The following PIGK variants were observed in gnomAD, a reference collection of about 807,000 sequenced individuals.
PIGK encodes the protein phosphatidylinositol glycan anchor biosynthesis class K.
A neutral mutation model predicts 50.6 loss-of-function variants in PIGK; 42 were observed. The observed-to-expected ratio is 0.83, with a 90% CI of 0.65 to 1.07. The LOEUF is 1.07. Among genes scored for constraint, PIGK ranks in the 50% least tolerant of loss-of-function variants. PIGK has a pLI of 0.00. For missense variants in PIGK, 448 were observed against 488.7 expected, an observed-to-expected ratio of 0.92 and a Z score of 0.78; for synonymous variants, 151 against 156.0, an observed-to-expected ratio of 0.97 and a Z score of 0.24.
rs771836178 is a variant in PIGK at position 77,169,373 on chromosome 1, C to T, written c.262G>A (p.Asp88Asn). 5 of 1,604,138 alleles carry T rather than the reference C, an allele frequency of 3.1e-6. No individual in the cohort carries two copies. The South Asian group carries it at 5.6e-5, about 18-fold the overall frequency. ...PDSHIVLMLA[D>N]DMACNPRNPK... The stretch of plus-strand genomic sequence containing the variant: ...TTTCTAGGATTACAGGCCATATCAT[C>T]TGCAAGCATTAGGACAATGTGACTA... The change falls in exon 4 of 11, where the codon GAT becomes AAT. Residue 88 changes from aspartate to asparagine, a missense_variant. Asp to Asn is a conservative substitution (Grantham distance 23). Coordinates refer to ENST00000370812, the MANE Select transcript of PIGK (RefSeq NM_005482.3).
intron 3 of PIGK, among the ~76,000 whole-genome samples, chr1:77,171,003 T>C (rs1321862349): frequency 2.0e-5 from 3 of 152,234 alleles, no homozygotes; most frequent in Admixed American, 6.5e-5. Context: ...TTTCACAGAA[T>C]AGTGAGTCAT....
chr1:77,136,543 A>AC (rs1654522994), intron 9 of PIGK, among the ~76,000 whole-genome samples: 3 of 150,652 alleles, frequency 2.0e-5, no homozygotes, highest in Admixed American at 1.3e-4. Flanking sequence ...TCTCAAAAAA[A>AC]AAAAAAAAAA....
intron 3 of PIGK, among the ~76,000 whole-genome samples, chr1:77,177,615 C>G (rs1332800479): frequency 6.6e-6 from 1 of 152,210 alleles, no homozygotes; most frequent in African/African-American, 2.4e-5. Context: ...GTTCGAGGCT[C>G]TCAGCTCTGA....
rs140744833 is a variant in PIGK at position 77,171,664 on chromosome 1, T to C, written c.240-2269A>G. ...TACTATGACCTGTTAACATAATCAA[T>C]ATATTATAAAACACTGTACTTGGAA... On this transcript the variant is annotated intron_variant, in intron 3 of 10. Transcript: ENST00000370812. 1.1e-3 allele frequency among the ~76,000 whole-genome samples: 169 copies of C among 152,130 alleles called. No homozygotes were observed. The East Asian group carries it at 0.029, about 26-fold the overall frequency.
At chr1:77,151,713 A>G (rs1654896533) in intron 9 of PIGK, among the ~76,000 whole-genome samples, 1 of 152,152 alleles carries the variant, frequency 6.6e-6, no homozygotes, top group Non-Finnish European at 1.5e-5. Context: ...ATCAATCTGA[A>G]AAAGGCATCA....
rs1454248649 is a variant in PIGK at position 77,129,496 on chromosome 1, G to A, written c.987-7137C>T. 21 of 1,459,734 alleles carry A rather than the reference G, an allele frequency of 1.4e-5. No homozygotes were observed. In the East Asian group the frequency reaches 4.1e-4, roughly 28 times the overall value. 90.4% of individuals were successfully genotyped at this position (1,459,734 alleles called of 1,614,324 possible). A position where few individuals can be genotyped will look rare whatever the true frequency, so the allele number is the denominator to read the frequency against. On this transcript the variant is annotated intron_variant, in intron 9 of 10. Coordinates refer to ENST00000370812, the MANE Select transcript of PIGK (RefSeq NM_005482.3). ...AACAAAGCACCTAAGATGCGCCGCC[G>A]GACCTACAGAGCTCATGGTCGGATT...
chr1:77,195,118 A>C, intron 3 of PIGK: 1 of 1,202,792 alleles, frequency 8.3e-7, no homozygotes, highest in Admixed American at 1.7e-5. Flanking sequence ...ATTACACAGG[A>C]AGGAGGGTGA....
intron 10 of PIGK, among the ~76,000 whole-genome samples, chr1:77,105,145 TG>T (rs1249716319): frequency 6.6e-6 from 1 of 151,984 alleles, no homozygotes; most frequent in Non-Finnish European, 1.5e-5. Flanking sequence ...ACAAGGGAGC[TG>T]GAGAGGGGAC....
At chr1:77,156,043 C>G (rs1312174789) in intron 8 of PIGK, among the ~76,000 whole-genome samples, 1 of 150,722 alleles carries the variant, frequency 6.6e-6, no homozygotes, top group Non-Finnish European at 1.5e-5. Context: ...GAAAGCAGTA[C>G]AAGGAAACAC....
At chr1:77,198,727 C>T (rs1411396230) in intron 3 of PIGK, among the ~76,000 whole-genome samples, 2 of 151,918 alleles carry the variant, frequency 1.3e-5, no homozygotes, top group African/African-American at 4.8e-5. Flanking sequence ...AACTTGAATG[C>T]TATTAAACCC....
At chr1:77,130,187 G>C (rs1284909809) in intron 9 of PIGK, among the ~76,000 whole-genome samples, 3 of 98,868 alleles carry the variant, frequency 3.0e-5, no homozygotes, top group African/African-American at 1.6e-4. Context: ...TGTTTGCATT[G>C]TCTTTTTTTT....
intron 10 of PIGK, among the ~76,000 whole-genome samples, chr1:77,104,691 G>A (rs956718416): frequency 1.3e-5 from 2 of 152,094 alleles, no homozygotes; most frequent in African/African-American, 2.4e-5. Flanking sequence ...CAACAAACTC[G>A]CAACACAGGC....
chr1:77,185,683 G>C (rs553309011), intron 3 of PIGK, among the ~76,000 whole-genome samples: 9 of 152,300 alleles, frequency 5.9e-5, no homozygotes, highest in African/African-American at 2.2e-4. Flanking sequence ...ACAGGAGAAG[G>C]CTCTGCAACA....
intron 3 of PIGK, among the ~76,000 whole-genome samples, chr1:77,181,874 G>A (rs1315713425): frequency 6.6e-6 from 1 of 152,128 alleles, no homozygotes; most frequent in Non-Finnish European, 1.5e-5. Context: ...CCCATGTCTT[G>A]AGGAATCTTC....
At chr1:77,187,407 G>A (rs1288627309) in intron 3 of PIGK, among the ~76,000 whole-genome samples, 3 of 152,148 alleles carry the variant, frequency 2.0e-5, no homozygotes, top group East Asian at 3.8e-4. Flanking sequence ...GCAACATTAC[G>A]CTCTTCTGGC....
chr1:77,128,905 TTA>T (rs919798227), intron 9 of PIGK, among the ~76,000 whole-genome samples: 1 of 152,214 alleles, frequency 6.6e-6, no homozygotes, highest in African/African-American at 2.4e-5. Context: ...AGAATGGCTT[TTA>T]TGTTTTTGAA....
At chr1:77,178,595 G>T (rs940130699) in intron 3 of PIGK, among the ~76,000 whole-genome samples, 29 of 152,052 alleles carry the variant, frequency 1.9e-4, no homozygotes, top group African/African-American at 6.8e-4. Flanking sequence ...AGTTAAGTGA[G>T]TAGACTCTTT....
chr1:77,111,423 A>G (rs1373253250), intron 10 of PIGK, among the ~76,000 whole-genome samples: 1 of 152,204 alleles, frequency 6.6e-6, no homozygotes. Flanking sequence ...AATACTATGC[A>G]GCCATAAAAA....
intron 3 of PIGK, among the ~76,000 whole-genome samples, chr1:77,196,772 G>A (rs889392577): frequency 2.6e-5 from 4 of 152,138 alleles, no homozygotes; most frequent in South Asian, 4.2e-4. Context: ...TAGGTTGTCC[G>A]TTTACTCTGT....
Sources: gnomAD v4.1 joint callset for allele counts (sites outside exome capture counted in the v4.1 genomes callset) on GRCh38, gnomAD v4.1.1 for gene constraint, MANE v1.5 for transcripts, NCBI Gene and HGNC (gene_info 2026-07-23, HGNC 2026-07-21) for gene names.